The following DLC1 variants were observed in gnomAD, a reference collection of about 807,000 sequenced individuals.
DLC1 encodes the protein rho GTPase-activating protein 7.
Under a neutral mutation model 140.3 loss-of-function variants are expected in DLC1, and 54 were observed. That is an observed-to-expected ratio of 0.38 (90% confidence interval 0.31 to 0.48). The LOEUF (loss-of-function observed/expected upper bound fraction) is 0.48. Among genes scored for constraint, DLC1 ranks in the 20% least tolerant of loss-of-function variants. DLC1 has a pLI of 0.96. For synonymous variants in DLC1, 986 were observed against 728.1 expected, an observed-to-expected ratio of 1.35 and a Z score of -5.70; for missense variants, 2,536 against 1,907.0, an observed-to-expected ratio of 1.33 and a Z score of -6.14.
intron 5 of DLC1, among the ~76,000 whole-genome samples, chr8:13,212,413 G>A (rs1446179853): frequency 6.6e-6 from 1 of 152,084 alleles, no homozygotes; most frequent in Non-Finnish European, 1.5e-5. Flanking sequence ...TGAGGACAGG[G>A]GTTGCCTCTG....
chr8:13,122,362 C>T (rs1821164314), intron 5 of DLC1, among the ~76,000 whole-genome samples: 1 of 152,136 alleles, frequency 6.6e-6, no homozygotes, highest in Admixed American at 6.5e-5. Context: ...ATACCTTAAG[C>T]CCTGAGTTCT....
At position 13,094,771 on chromosome 8, in the gene DLC1, G is replaced by A; in HGVS notation, c.3514C>T (p.Gln1172Ter). 6.2e-7 allele frequency: 1 copy of A among 1,614,190 alleles called. No individual in the cohort carries two copies. Among genetic ancestry groups the A allele is most frequent in the Non-Finnish European group, 8.5e-7 (1 of 1,180,028 alleles). The part of the protein sequence containing the change: ...MTNKLSETFL[Q>*]IYQYVPKDQR... ...AAAGGACACTCACATTGGTAGATCT[G>A]TAGAAAGGTTTCCGAGAGTTTGTTC... Residue 1172 changes from glutamine (Q) to a stop codon, truncating the protein, a stop_gained, in exon 12 of 18, where the codon CAG becomes TAG. Transcript: ENST00000276297. LOFTEE classifies it high-confidence loss of function.
rs7842235 is a variant in DLC1 at position 13,454,049 on chromosome 8, A to C, written c.1023+45000T>G. ...GCAAAATTCGCATGTTTTAATTGCCACTGTACTGGGATTCCTTGAATATGG... is the reference window on the plus strand; with the variant it reads ...GCAAAATTCGCATGTTTTAATTGCCCCTGTACTGGGATTCCTTGAATATGG... On this transcript the variant is annotated intron_variant, in intron 2 of 17. Transcript: ENST00000276297. 2.3e-3 allele frequency among the ~76,000 whole-genome samples: 349 copies of C among 152,266 alleles called. 3 individuals are homozygous for C. The highest frequency in any genetic ancestry group is 0.014 in the Middle Eastern group (4 of 292).
In DLC1 at chr8:13,474,832, C is replaced by A. The variant is rs1024244265; in HGVS notation, c.1023+24217G>T. Among the ~76,000 whole-genome samples the A allele has an allele frequency of 2.8e-4, 42 of 152,322 alleles. 1 individual carries two copies. Among genetic ancestry groups the A allele is most frequent in the African/African-American group, 1.0e-3 (42 of 41,562 alleles). On this transcript the variant is annotated intron_variant, in intron 2 of 17. Coordinates refer to ENST00000276297, the MANE Select transcript of DLC1 (RefSeq NM_182643.3). The stretch of plus-strand genomic sequence containing the variant: ...CCCATTTGGAATGGCAGCATTTACC[C>A]AATGCCTGAATCCTCATTGTATCTA...
chr8:13,373,594 A>G (rs1231799860), intron 4 of DLC1, among the ~76,000 whole-genome samples: 1 of 152,218 alleles, frequency 6.6e-6, no homozygotes, highest in East Asian at 1.9e-4. Context: ...CAACATGCAA[A>G]TAACATTATT....
In DLC1 at chr8:13,393,677, G is replaced by T; in HGVS notation, c.1190C>A (p.Ser397Tyr). 1.2e-6 allele frequency: 2 copies of T among 1,613,768 alleles called. No homozygotes were observed. The highest frequency in any genetic ancestry group is 1.7e-6 in the Non-Finnish European group (2 of 1,179,924). Residue 397 changes from serine to tyrosine, a missense_variant, in exon 4 of 18, where the codon TCT becomes TAT. Ser to Tyr is a moderately radical substitution (Grantham distance 144). Coordinates refer to ENST00000276297, the MANE Select transcript of DLC1 (RefSeq NM_182643.3). ...RRHVPDLESG[S>Y]ESGADTISVN... is the part of the protein sequence containing the mutation. ...TGAAATGGTATCTGCTCCACTTTCA[G>T]ATCCTGATTCCAGATCCTATTAAAA...
chr8:13,332,434 CTTT>C (rs5889435), intron 4 of DLC1, among the ~76,000 whole-genome samples: 2 of 148,116 alleles, frequency 1.4e-5, no homozygotes, highest in Non-Finnish European at 1.5e-5. Flanking sequence ...TTTCTTTTGT[CTTT>C]TTTTTTTTTT....
chr8:13,501,841 C>T (rs140735378), intron 1 of DLC1, among the ~76,000 whole-genome samples: 2 of 152,214 alleles, frequency 1.3e-5, no homozygotes, highest in African/African-American at 4.8e-5. Flanking sequence ...GTCATTATAA[C>T]GTGGGAGGCT....
At chr8:13,534,573 T>TATC (rs1803206723) in intron 1 of DLC1, among the ~76,000 whole-genome samples, 1 of 152,124 alleles carries the variant, frequency 6.6e-6, no homozygotes, top group Non-Finnish European at 1.5e-5. Flanking sequence ...GAAGCAGAGA[T>TATC]ATCTCTTTGC....
intron 1 of DLC1, among the ~76,000 whole-genome samples, chr8:13,546,998 T>C (rs910191287): frequency 3.3e-5 from 5 of 152,250 alleles, no homozygotes; most frequent in South Asian, 2.1e-4. Context: ...ATTACAATCA[T>C]ATGTTAAATG....
intron 1 of DLC1, among the ~76,000 whole-genome samples, chr8:13,506,331 C>G (rs1585219815): frequency 1.3e-5 from 2 of 151,570 alleles, no homozygotes; most frequent in East Asian, 2.0e-4. Flanking sequence ...ATGATTGACT[C>G]TAGGATATTC....
At chr8:13,566,952 C>A (rs1201805774) in intron 1 of DLC1, 2 of 1,500,044 alleles carry the variant, frequency 1.3e-6, no homozygotes, top group Admixed American at 2.3e-5. Context: ...CAGTCTTAAC[C>A]TGGGCAAAGG....
intron 15 of DLC1, 70 bp downstream of exon 15, chr8:13,090,182 C>T (rs956727057): frequency 2.1e-5 from 31 of 1,448,938 alleles, no homozygotes; most frequent in Middle Eastern, 1.8e-4. Context: ...TTGGCAAAAG[C>T]GTGTTATCTC....
At chr8:13,288,307 A>C (rs1431653293) in intron 5 of DLC1, among the ~76,000 whole-genome samples, 1 of 152,160 alleles carries the variant, frequency 6.6e-6, no homozygotes, top group African/African-American at 2.4e-5. Flanking sequence ...AGATGGGGCA[A>C]TGTAACGGAT....
At chr8:13,329,749 C>G (rs571125049) in intron 4 of DLC1, among the ~76,000 whole-genome samples, 10 of 152,122 alleles carry the variant, frequency 6.6e-5, no homozygotes, top group Non-Finnish European at 1.3e-4. Flanking sequence ...CCCTGTTTCT[C>G]CAGCAAAACT....
chr8:13,237,339 T>TAC (rs1829332900), intron 5 of DLC1, among the ~76,000 whole-genome samples: 1 of 150,032 alleles, frequency 6.7e-6, no homozygotes. Flanking sequence ...TATATATATA[T>TAC]ATACACACAC....
At chr8:13,152,054 T>G (rs1184132522) in intron 5 of DLC1, among the ~76,000 whole-genome samples, 7 of 152,224 alleles carry the variant, frequency 4.6e-5, no homozygotes, top group Non-Finnish European at 7.3e-5. Flanking sequence ...TCATATTAAT[T>G]GGACAGTATG....
At chr8:13,597,115 A>G (rs1169901108) in intron 1 of DLC1, among the ~76,000 whole-genome samples, 2 of 151,964 alleles carry the variant, frequency 1.3e-5, no homozygotes, top group Admixed American at 6.6e-5. Context: ...CTGGCCATAT[A>G]TTTAATGCTA....
At chr8:13,506,581 G>GTGTGTGTGTGTGTATATATATA (rs1246764417) in intron 1 of DLC1, among the ~76,000 whole-genome samples, 1 of 131,142 alleles carries the variant, frequency 7.6e-6, no homozygotes, top group African/African-American at 3.2e-5. Flanking sequence ...GTGTGTGTGT[G>GTGTGTGTGTGTGTATATATATA]TATATATATA....
Sources: gnomAD v4.1 joint callset for allele counts (sites outside exome capture counted in the v4.1 genomes callset) on GRCh38, gnomAD v4.1.1 for gene constraint, MANE v1.5 for transcripts, NCBI Gene and HGNC (gene_info 2026-07-23, HGNC 2026-07-21) for gene names.